The following L3MBTL3 variants were observed in gnomAD, a reference collection of about 807,000 sequenced individuals.
L3MBTL3 encodes lethal(3)malignant brain tumor-like protein 3.
A neutral mutation model predicts 102.3 loss-of-function variants in L3MBTL3; 27 were observed. The ratio of observed to expected loss-of-function variants is 0.26; its 90% confidence interval spans 0.19 to 0.36. The LOEUF is 0.36. Ranked by LOEUF, L3MBTL3 falls within the 10% of genes least tolerant of loss-of-function variation. L3MBTL3 has a pLI of 1.00. For missense variants in L3MBTL3, 798 were observed against 955.3 expected, an observed-to-expected ratio of 0.84 and a Z score of 2.17; for synonymous variants, 340 against 320.9, an observed-to-expected ratio of 1.06 and a Z score of -0.64.
intron 19 of L3MBTL3, among the ~76,000 whole-genome samples, chr6:130,113,035 T>C (rs1334520376): frequency 6.6e-6 from 1 of 151,976 alleles, no homozygotes; most frequent in Non-Finnish European, 1.5e-5. Flanking sequence ...GTGAGTGGAG[T>C]AGCTTTTCCT....
chr6:130,107,176 G>T (rs935084467), intron 19 of L3MBTL3, among the ~76,000 whole-genome samples: 1 of 150,328 alleles, frequency 6.7e-6, no homozygotes. Context: ...TCAGAGGTGA[G>T]TGCTCTGTAG....
chr6:130,078,484 G>A (rs1306841563), intron 13 of L3MBTL3, 74 bp from the exon 14 acceptor site: 1 of 1,016,850 alleles, frequency 9.8e-7, no homozygotes, highest in East Asian at 2.4e-5. Context: ...ATGATCTCTA[G>A]TTTTCTTTTT....
chr6:130,134,001 A>G, intron 22 of L3MBTL3, 96 bp downstream of exon 22: 1 of 934,010 alleles, frequency 1.1e-6, no homozygotes, highest in Non-Finnish European at 1.7e-6. Flanking sequence ...AGAGTCAAAA[A>G]GAGATGGGGT....
intron 19 of L3MBTL3, among the ~76,000 whole-genome samples, chr6:130,112,971 T>G (rs1785448417): frequency 6.6e-6 from 1 of 152,184 alleles, no homozygotes; most frequent in Non-Finnish European, 1.5e-5. Context: ...TGGCAGCTCA[T>G]CTCTGCCCTC....
At chr6:130,055,028 ACT>A in intron 7 of L3MBTL3, 141 bp from the exon 8 acceptor site, 3 of 653,498 alleles carry the variant, frequency 4.6e-6, no homozygotes, top group Admixed American at 2.5e-5. Flanking sequence ...TTTCAGATGA[ACT>A]ATATTCTTAC....
At chr6:130,082,959 G>T (rs76531478) in intron 14 of L3MBTL3, among the ~76,000 whole-genome samples, 2,648 of 152,160 alleles carry the variant, frequency 0.017, 70 homozygotes, top group African/African-American at 0.06. Flanking sequence ...GCTTTTCTCA[G>T]TCCCCTTTAT....
At chr6:130,021,030 G>GT (rs1288336489) in intron 1 of L3MBTL3, among the ~76,000 whole-genome samples, 1 of 152,064 alleles carries the variant, frequency 6.6e-6, no homozygotes, top group Non-Finnish European at 1.5e-5. Context: ...TCTCCTTTTG[G>GT]TTTTCCTAGA....
In L3MBTL3 at chr6:130,049,794, C is replaced by T. The variant is rs773729103; in HGVS notation, c.253C>T (p.Pro85Ser). 3 of 1,614,088 alleles carry T rather than the reference C, an allele frequency of 1.9e-6. No individual in the cohort carries two copies. Among genetic ancestry groups the T allele is most frequent in the Admixed American group, 1.7e-5 (1 of 60,016 alleles). ...SPPSSRPVFP[P>S]AYWTSPPGCP... ...CCCGAGCTCCAGGCCCGTATTTCCA[C>T]CTGCCTACTGGACATCTCCACCTGG... Residue 85 changes from proline (P) to serine (S), a missense_variant, in exon 5 of 23, where the codon CCT becomes TCT. Coordinates refer to ENST00000361794, the MANE Select transcript of L3MBTL3 (RefSeq NM_032438.4).
At position 130,060,093 on chromosome 6, in the gene L3MBTL3, G is replaced by T. The variant is rs766315177; in HGVS notation, c.817G>T (p.Val273Leu). The T allele has an allele frequency of 6.2e-7, 1 of 1,613,546 alleles. No individual in the cohort carries two copies. Among genetic ancestry groups the T allele is most frequent in the South Asian group, 1.1e-5 (1 of 91,046 alleles). ...CAAAGTTGGCATGAAATTAGAAGGC[G>T]TGGATCCTGAGCATCAGTCTGTGTA... ...GFKVGMKLEG[V>L]DPEHQSVYCV... is the part of the protein sequence containing the mutation. Residue 273 changes from valine (V) to leucine (L), a missense_variant, in exon 10 of 23, where the codon GTG (valine) becomes TTG (leucine). Val to Leu is a conservative substitution (Grantham distance 32). Coordinates refer to ENST00000361794, the MANE Select transcript of L3MBTL3 (RefSeq NM_032438.4).
chr6:130,033,038 G>A (rs1779827534), intron 2 of L3MBTL3, among the ~76,000 whole-genome samples: 2 of 152,176 alleles, frequency 1.3e-5, no homozygotes, highest in Admixed American at 1.3e-4. Context: ...AAGTCATGGA[G>A]TGGGTAATTG....
chr6:130,094,572 T>A (rs1784249786), intron 18 of L3MBTL3, among the ~76,000 whole-genome samples: 1 of 152,200 alleles, frequency 6.6e-6, no homozygotes, highest in Non-Finnish European at 1.5e-5. Context: ...CAGTTTAAAA[T>A]GGATTTACTC....
intron 20 of L3MBTL3, among the ~76,000 whole-genome samples, chr6:130,125,855 A>G (rs1419587229): frequency 6.6e-6 from 1 of 152,164 alleles, no homozygotes; most frequent in African/African-American, 2.4e-5. Flanking sequence ...CCGTAGGTCC[A>G]TGAGGCCTGT....
At chr6:130,066,605 C>A in intron 11 of L3MBTL3, 117 bp downstream of exon 11, 3 of 867,454 alleles carry the variant, frequency 3.5e-6, no homozygotes, top group South Asian at 3.6e-5. Flanking sequence ...ACAAATTTAA[C>A]CTTATTGTTT....
rs150853375 is a variant in L3MBTL3 at position 130,068,719 on chromosome 6, A to G, written c.1092+298A>G. On this transcript the variant is annotated intron_variant, in intron 12 of 22. Transcript: ENST00000361794. ...AAATTGGCTGAGATATTTTATTGTT[A>G]TTATCACTTATATGGGAGTGCTGTT... 2.5e-3 allele frequency among the ~76,000 whole-genome samples: 379 copies of G among 152,326 alleles called. 2 individuals are homozygous for G. The highest frequency in any genetic ancestry group is 8.9e-3 in the African/African-American group (370 of 41,576).
intron 12 of L3MBTL3, among the ~76,000 whole-genome samples, chr6:130,069,551 CTTAA>C (rs1222454104): frequency 6.6e-6 from 1 of 152,160 alleles, no homozygotes; most frequent in African/African-American, 2.4e-5. Context: ...TTTAAAACAT[CTTAA>C]TTGAGAGGAT....
chr6:130,077,113 A>C (rs1486523357), intron 13 of L3MBTL3, among the ~76,000 whole-genome samples: 2 of 151,972 alleles, frequency 1.3e-5, no homozygotes, highest in Non-Finnish European at 2.9e-5. Context: ...GGAAAAAATT[A>C]AATATTATAT....
At chr6:130,139,182 A>G (rs954135318) in intron 22 of L3MBTL3, among the ~76,000 whole-genome samples, 2 of 151,832 alleles carry the variant, frequency 1.3e-5, no homozygotes, top group African/African-American at 4.8e-5. Context: ...GGAAAAAAAA[A>G]AAATGTTGCA....
rs1338218977 is a variant in L3MBTL3 at position 130,051,336 on chromosome 6, A to G, written c.377A>G (p.Tyr126Cys). The change falls in exon 6 of 23, where the codon TAT becomes TGT. Residue 126 changes from tyrosine (Y) to cysteine (C), a missense_variant. Coordinates refer to ENST00000361794, the MANE Select transcript of L3MBTL3 (RefSeq NM_032438.4). ...CAGTTCTGTGAGAACTGTTGTCAGT[A>G]TGGCAACGTAGATGAGTGTCTTTCT... Reference protein sequence around the residue: ...GLQFCENCCQYGNVDECLSGG... With the variant: ...GLQFCENCCQCGNVDECLSGG... The G allele has an allele frequency of 1.9e-6, 3 of 1,613,182 alleles. No homozygotes were observed. Among genetic ancestry groups the G allele is most frequent in the African/African-American group, 1.3e-5 (1 of 74,918 alleles).
At chr6:130,070,836 G>A in intron 12 of L3MBTL3, 140 bp from the exon 13 acceptor site, 1 of 184,038 alleles carries the variant, frequency 5.4e-6, no homozygotes. Context: ...CGACCCTGCT[G>A]TGAAACTGGC....
Sources: gnomAD v4.1 joint callset for allele counts (sites outside exome capture counted in the v4.1 genomes callset) on GRCh38, gnomAD v4.1.1 for gene constraint, MANE v1.5 for transcripts, NCBI Gene and HGNC (gene_info 2026-07-23, HGNC 2026-07-21) for gene names.